ADORA2B: variants seen among roughly 807,000 people sequenced by gnomAD.
The protein encoded by ADORA2B is adenosine receptor A2b.
In ADORA2B, 18 loss-of-function variants were observed where a neutral mutation model predicts 20.8. That is an observed-to-expected ratio of 0.87 (90% confidence interval 0.60 to 1.29). The LOEUF (loss-of-function observed/expected upper bound fraction) is 1.29. Among genes scored for constraint, ADORA2B ranks in the 50% most tolerant of loss-of-function variants. ADORA2B has a pLI of 0.00. For synonymous variants in ADORA2B, 179 were observed against 178.3 expected (o/e 1.00, Z -0.03); for missense variants, 441 against 422.7 (o/e 1.04, Z -0.38).
the ADORA2B span, among the ~76,000 whole-genome samples, chr17:15,898,662 C>T: frequency 6.6e-5 from 10 of 152,074 alleles, no homozygotes; most frequent in African/African-American, 4.8e-5. Flanking sequence ...CCACTGCGCC[C>T]GGCCTTGCTT....
At chr17:15,892,542 A>G in the ADORA2B span, among the ~76,000 whole-genome samples, 1 of 152,094 alleles carries the variant, frequency 6.6e-6, no homozygotes, top group Non-Finnish European at 1.5e-5. Context: ...TCGGTCCCCC[A>G]AACTGCTGGG....
chr17:15,918,632 C>T, the ADORA2B span, among the ~76,000 whole-genome samples: 1 of 152,016 alleles, frequency 6.6e-6, no homozygotes, highest in African/African-American at 2.4e-5. Context: ...CCACCACGCC[C>T]GTTTGATTTT....
At chr17:15,966,200 A>C (rs929577496) in intron 1 of ADORA2B, among the ~76,000 whole-genome samples, 1 of 152,248 alleles carries the variant, frequency 6.6e-6, no homozygotes, top group Non-Finnish European at 1.5e-5. Flanking sequence ...AAACATCCCT[A>C]AAACAAACAG....
At chr17:15,919,251 A>G in the ADORA2B span, among the ~76,000 whole-genome samples, 2 of 152,042 alleles carry the variant, frequency 1.3e-5, no homozygotes, top group Admixed American at 6.5e-5. Context: ...GTAGGAACCA[A>G]TTTGGATTAT....
At chr17:15,925,918 C>T in the ADORA2B span, among the ~76,000 whole-genome samples, 5 of 151,798 alleles carry the variant, frequency 3.3e-5, no homozygotes, top group African/African-American at 7.3e-5. Flanking sequence ...TGCAATGAGC[C>T]GAGATCTCTC....
chr17:15,867,704 G>A, the ADORA2B span, among the ~76,000 whole-genome samples: 164 of 145,880 alleles, frequency 1.1e-3, no homozygotes, highest in Admixed American at 4.0e-3. Flanking sequence ...CAGCCGCCCC[G>A]TCCGGGAGGT....
chr17:15,864,408 G>A, the ADORA2B span, among the ~76,000 whole-genome samples: 2 of 151,926 alleles, frequency 1.3e-5, no homozygotes, highest in Non-Finnish European at 2.9e-5. Context: ...ACCGATCATG[G>A]GTTCTTAGGC....
At chr17:15,890,031 C>T in the ADORA2B span, among the ~76,000 whole-genome samples, 6 of 130,056 alleles carry the variant, frequency 4.6e-5, 2 homozygotes, top group African/African-American at 6.5e-5. Flanking sequence ...CTACACTGGA[C>T]GCCTAGATGT....
the ADORA2B span, among the ~76,000 whole-genome samples, chr17:15,870,873 G>C: frequency 6.6e-6 from 1 of 152,156 alleles, no homozygotes; most frequent in Non-Finnish European, 1.5e-5. Context: ...TGTGAAGATA[G>C]AGCCCCAATA....
At chr17:15,858,658 GCACA>G in the ADORA2B span, 1 of 152,266 alleles carries the variant, frequency 6.6e-6, no homozygotes, top group East Asian at 1.9e-4. Context: ...ACACGCGTGC[GCACA>G]CACACACGCA....
At chr17:15,903,069 T>C in the ADORA2B span, among the ~76,000 whole-genome samples, 1 of 152,248 alleles carries the variant, frequency 6.6e-6, no homozygotes, top group Non-Finnish European at 1.5e-5. Context: ...CAATGAGTAG[T>C]TATTAAAAGA....
the ADORA2B span, among the ~76,000 whole-genome samples, chr17:15,918,167 G>T: frequency 6.6e-6 from 1 of 152,160 alleles, no homozygotes; most frequent in Non-Finnish European, 1.5e-5. Context: ...GACAGAGGGA[G>T]CTGCTCCTGG....
the ADORA2B span, among the ~76,000 whole-genome samples, chr17:15,936,329 AT>A: frequency 1.4e-5 from 2 of 145,686 alleles, no homozygotes; most frequent in Admixed American, 6.7e-5. Flanking sequence ...TTTTATTTTT[AT>A]TTTTTTTGAT....
chr17:15,851,463 A>G, the ADORA2B span, among the ~76,000 whole-genome samples: 1,912 of 151,698 alleles, frequency 0.013, 34 homozygotes, highest in African/African-American at 0.044. Context: ...CCAGCACACC[A>G]TGCTCTGTGC....
the ADORA2B span, among the ~76,000 whole-genome samples, chr17:15,871,844 T>C: frequency 4.6e-5 from 7 of 152,188 alleles, no homozygotes; most frequent in Non-Finnish European, 8.8e-5. Context: ...TTTGTGTCCT[T>C]TCACTGTAAT....
the ADORA2B span, among the ~76,000 whole-genome samples, chr17:15,916,482 A>C: frequency 7.3e-6 from 1 of 136,932 alleles, no homozygotes; most frequent in South Asian, 2.7e-4. Flanking sequence ...TCACAACTCT[A>C]AGGGGGGTCC....
chr17:15,881,827 T>C, the ADORA2B span, among the ~76,000 whole-genome samples: 2 of 152,252 alleles, frequency 1.3e-5, no homozygotes, highest in Non-Finnish European at 2.9e-5. Context: ...TCAGGAGTTG[T>C]GGTTTTCCTT....
At chr17:15,882,886 A>G in the ADORA2B span, among the ~76,000 whole-genome samples, 1 of 152,154 alleles carries the variant, frequency 6.6e-6, no homozygotes, top group African/African-American at 2.4e-5. Context: ...GCAGCATGAC[A>G]CCACCCAACA....
chr17:15,954,064 C>T (rs112341714), intron 1 of ADORA2B, among the ~76,000 whole-genome samples: 9,331 of 152,028 alleles, frequency 0.061, 971 homozygotes, highest in African/African-American at 0.21. Flanking sequence ...CTGCAACCTC[C>T]GATTCCCAGA....
Sources: gnomAD v4.1 joint callset for allele counts (sites outside exome capture counted in the v4.1 genomes callset) on GRCh38, gnomAD v4.1.1 for gene constraint, MANE v1.5 for transcripts, NCBI Gene and HGNC (gene_info 2026-07-23, HGNC 2026-07-21) for gene names.